The following ACADM variants were observed in gnomAD, a reference collection of about 807,000 sequenced individuals.
ACADM encodes acyl-CoA dehydrogenase medium chain, also known as medium-chain specific acyl-CoA dehydrogenase, mitochondrial.
In ACADM, 49 loss-of-function variants were observed where a neutral mutation model predicts 58.9. That is an observed-to-expected ratio of 0.83 (90% confidence interval 0.66 to 1.06). The LOEUF is 1.06. Ranked by LOEUF, ACADM falls within the 50% of genes least tolerant of loss-of-function variation. ACADM has a pLI of 0.00. For synonymous variants in ACADM, 160 were observed against 157.7 expected (o/e 1.01, Z -0.11); for missense variants, 496 against 507.0 (o/e 0.98, Z 0.21).
At chr1:75,750,047 C>G (rs1483499790) in intron 9 of ACADM, among the ~76,000 whole-genome samples, 1 of 152,054 alleles carries the variant, frequency 6.6e-6, no homozygotes, top group African/African-American at 2.4e-5. Context: ...AATAATTCTT[C>G]AAGTTTTCTT....
chr1:75,737,771 A>G (rs4559448), intron 6 of ACADM, among the ~76,000 whole-genome samples: 37,772 of 151,956 alleles, frequency 0.25, 5,013 homozygotes, highest in Non-Finnish European at 0.3. Flanking sequence ...TGGATTACAT[A>G]ATGCTTAAGC....
rs1648934832 is a variant in ACADM, at chr1:75,762,932, C to T, written c.*169C>T. 5 of 518,368 alleles carry T rather than the reference C, an allele frequency of 9.6e-6. No individual in the cohort carries two copies. The highest frequency in any genetic ancestry group is 1.7e-5 in the Non-Finnish European group (5 of 287,538). 32.1% of individuals were successfully genotyped at this position (518,368 alleles called of 1,614,324 possible). A position where few individuals can be genotyped will look rare whatever the true frequency, so the allele number is the denominator to read the frequency against. Reference sequence around the variant, plus strand: ...ACTTTTGCTTAACTCTGTTATGTCTCTTAAGCAGGTTTGGTTTTTATTAAA... The same window carrying T: ...ACTTTTGCTTAACTCTGTTATGTCTTTTAAGCAGGTTTGGTTTTTATTAAA... On this transcript the variant is annotated 3_prime_UTR_variant, in exon 12 of 12. Coordinates refer to ENST00000370841, the MANE Select transcript of ACADM (RefSeq NM_000016.6).
rs150396891 is a variant in ACADM at position 75,739,725 on chromosome 1, T to C, written c.469-255T>C. Among the ~76,000 whole-genome samples the C allele has an allele frequency of 6.5e-3, 987 of 152,296 alleles. 16 individuals carry two copies. The highest frequency in any genetic ancestry group is 0.035 in the Admixed American group (531 of 15,290). On this transcript the variant is annotated intron_variant, in intron 6 of 11. Transcript: ENST00000370841. ...GGGAGGCTGAGGCGGGAGGATTTCC[T>C]GAGTCCAGGAAGCCAAGACTGCATT...
Position 75,761,207 on chromosome 1 carries a change from T to C in ACADM, c.1031T>C (p.Val344Ala). Residue 344 changes from valine to alanine, a missense_variant, in exon 11 of 12, where the codon GTT becomes GCT. Coordinates refer to ENST00000370841, the MANE Select transcript of ACADM (RefSeq NM_000016.6). ...AGTTACCAGAGAGCAGCTTGGGAGGTTGATTCTGGTCGTCGAAATACCTAT... is the reference window on the plus strand; with the variant it reads ...AGTTACCAGAGAGCAGCTTGGGAGGCTGATTCTGGTCGTCGAAATACCTAT... ...RMSYQRAAWE[V>A]DSGRRNTYYA... The C allele has an allele frequency of 6.2e-7, 1 of 1,614,128 alleles. No individual in the cohort carries two copies.
rs543338644 is a variant in ACADM at position 75,746,246 on chromosome 1, A to G, written c.708+332A>G. ...AAGGGACTTTCCCACTCTTTTCCCC[A>G]TTGGATCCTCACAGCAACCTTTTGG... On this transcript the variant is annotated intron_variant, in intron 8 of 11. Transcript: ENST00000370841. 2.1e-3 allele frequency among the ~76,000 whole-genome samples: 313 copies of G among 152,318 alleles called. 2 individuals carry two copies. Among genetic ancestry groups the G allele is most frequent in the African/African-American group, 7.0e-3 (292 of 41,582 alleles).
chr1:75,745,651 G>C, intron 7 of ACADM, 155 bp from the exon 8 acceptor site: 1 of 686,084 alleles, frequency 1.5e-6, no homozygotes, highest in Non-Finnish European at 2.6e-6. Flanking sequence ...TACTAGGTAC[G>C]TGACTAGGCA....
intron 10 of ACADM, among the ~76,000 whole-genome samples, chr1:75,751,780 T>A (rs1203112622): frequency 6.6e-6 from 1 of 152,140 alleles, no homozygotes; most frequent in East Asian, 1.9e-4. Context: ...ATTACAGGCC[T>A]GAACCACTGC....
intron 10 of ACADM, among the ~76,000 whole-genome samples, chr1:75,758,072 AT>A (rs1055178436): frequency 2.0e-5 from 3 of 151,654 alleles, no homozygotes; most frequent in Non-Finnish European, 2.9e-5. Context: ...TTTAATTATT[AT>A]TTTTTTCATA....
At chr1:75,745,722 T>C (rs1315099657) in intron 7 of ACADM, 84 bp from the exon 8 acceptor site, 1 of 1,023,048 alleles carries the variant, frequency 9.8e-7, no homozygotes, top group Non-Finnish European at 1.6e-6. Flanking sequence ...ATAATTGGGA[T>C]TGTTAAGAGA....
intron 10 of ACADM, among the ~76,000 whole-genome samples, chr1:75,751,482 C>A (rs567888782): frequency 6.7e-6 from 1 of 148,760 alleles, no homozygotes; most frequent in Non-Finnish European, 1.5e-5. Context: ...GTCACAGATC[C>A]AGGATCCTTG....
In ACADM at chr1:75,763,490, T is replaced by A. The variant is rs913794813; in HGVS notation, c.*727T>A. 6.6e-6 allele frequency: 1 copy of A among 152,330 alleles called. No homozygotes were observed. Among genetic ancestry groups the A allele is most frequent in the African/African-American group, 2.4e-5 (1 of 41,570 alleles). 9.4% of individuals were successfully genotyped at this position (152,330 alleles called of 1,614,324 possible). ...GAACTTAATAAAATTGTTCAGTGCT[T>A]ATTATCATATCTTTCTGTATTTTTT... On this transcript the variant is annotated 3_prime_UTR_variant, in exon 12 of 12. Coordinates refer to ENST00000370841, the MANE Select transcript of ACADM (RefSeq NM_000016.6).
intron 7 of ACADM, among the ~76,000 whole-genome samples, chr1:75,740,395 T>G (rs777341688): frequency 6.6e-6 from 1 of 152,198 alleles, no homozygotes; most frequent in Non-Finnish European, 1.5e-5. Flanking sequence ...CTTGGCTTAT[T>G]ATCTCCACTC....
rs776623274 is a variant in ACADM, at chr1:75,734,785, C to T, written c.388-6C>T. ...TTGATTTTTTAATGTCAATTTTCTT[C>T]GGTAGCAAATGCCTATTATTATTGC... On this transcript the variant is annotated splice_polypyrimidine_tract_variant and splice_region_variant and intron_variant, in intron 5 of 11. Coordinates refer to ENST00000370841, the MANE Select transcript of ACADM (RefSeq NM_000016.6). 10 of 1,607,664 alleles carry T rather than the reference C, an allele frequency of 6.2e-6. No homozygotes were observed. Among genetic ancestry groups the T allele is most frequent in the East Asian group, 2.2e-5 (1 of 44,822 alleles).
Position 75,728,476 on chromosome 1 carries a change from G to A in ACADM, c.106G>A (p.Gly36Arg), listed in dbSNP as rs774074624. The A allele has an allele frequency of 5.0e-6, 8 of 1,612,490 alleles. No homozygotes were observed. In the South Asian group the frequency reaches 6.6e-5, roughly 13 times the overall value. Reference protein sequence around the residue: ...KANRQREPGLGFSFEFTEQQK... With the variant: ...KANRQREPGLRFSFEFTEQQK... ...CAATCGACAACGTGAACCAGGATTA[G>A]GATTTAGTTTTGGTATATGTTCGGT... is the stretch of plus-strand genomic sequence containing the variant. The change falls in exon 2 of 12, where the codon GGA (glycine) becomes AGA (arginine). Residue 36 changes from glycine to arginine, a missense_variant. Transcript: ENST00000370841.
intron 7 of ACADM, chr1:75,744,011 C>T (rs1169005850): frequency 1.3e-6 from 2 of 1,573,828 alleles, no homozygotes; most frequent in South Asian, 1.1e-5. Context: ...ATGTTACTCA[C>T]ATCAATCTCA....
intron 7 of ACADM, chr1:75,743,354 G>T: frequency 6.4e-7 from 1 of 1,556,490 alleles, no homozygotes; most frequent in Non-Finnish European, 8.8e-7. Context: ...GACCCATGAG[G>T]GGACAGGGAG....
intron 1 of ACADM, among the ~76,000 whole-genome samples, chr1:75,726,800 CTTTTTTTTTT>C (rs748703972): frequency 1.7e-5 from 2 of 119,844 alleles, no homozygotes; most frequent in African/African-American, 6.4e-5. Flanking sequence ...AACTGTTTCA[CTTTTTTTTTT>C]TTTTTTTTTT....
At chr1:75,725,803 C>T (rs960558012) in intron 1 of ACADM, among the ~76,000 whole-genome samples, 5 of 152,158 alleles carry the variant, frequency 3.3e-5, no homozygotes, top group East Asian at 1.9e-4. Context: ...GTACTTTAAT[C>T]GTCCGAAAAT....
chr1:75,749,507 ACGG>A lies in ACADM; in HGVS notation c.798_800del (p.Asp266_Gly267delinsGlu). 2 of 1,614,110 alleles carry A rather than the reference ACGG, an allele frequency of 1.2e-6. No homozygotes were observed. The highest frequency in any genetic ancestry group is 3.3e-5 in the Admixed American group (2 of 60,014). ...CCTAAAGAAAATGTTTTAATTGGTGACGGAGCTGGTTTCAAAGTTGCAATGGGA... is the reference window on the plus strand; with the variant it reads ...CCTAAAGAAAATGTTTTAATTGGTGAAGCTGGTTTCAAAGTTGCAATGGGA... On this transcript the variant is annotated inframe_deletion, in exon 9 of 12. Transcript: ENST00000370841.
Sources: gnomAD v4.1 joint callset for allele counts (sites outside exome capture counted in the v4.1 genomes callset) on GRCh38, gnomAD v4.1.1 for gene constraint, MANE v1.5 for transcripts, NCBI Gene and HGNC (gene_info 2026-07-23, HGNC 2026-07-21) for gene names.